RIMS4: variants seen among roughly 807,000 people sequenced by gnomAD.
The protein encoded by RIMS4 is regulating synaptic membrane exocytosis 4.
Under a neutral mutation model 29.0 loss-of-function variants are expected in RIMS4, and 9 were observed. That is an observed-to-expected ratio of 0.31 (90% CI 0.19 to 0.54). RIMS4 has a LOEUF of 0.54. Among genes scored for constraint, RIMS4 ranks in the 20% least tolerant of loss-of-function variants. The probability of loss-of-function intolerance (pLI) is 0.94; values close to 1 mark genes in which losing one functional copy is unlikely to be tolerated. For synonymous variants in RIMS4, 130 were observed against 152.9 expected (o/e 0.85, Z 1.10); for missense variants, 193 against 365.7 (o/e 0.53, Z 3.85).
intron 1 of RIMS4, among the ~76,000 whole-genome samples, chr20:44,799,664 G>A (rs2145478056): frequency 6.6e-6 from 1 of 152,308 alleles, no homozygotes; most frequent in South Asian, 2.1e-4. Context: ...TAGGGACACT[G>A]AGTGCTGGAG....
At chr20:44,792,969 C>T (rs2066239429) in intron 1 of RIMS4, among the ~76,000 whole-genome samples, 1 of 152,124 alleles carries the variant, frequency 6.6e-6, no homozygotes, top group South Asian at 2.1e-4. Context: ...CCCAGCCGTG[C>T]ACCCTGCTGG....
rs764210254 is a variant in RIMS4, at chr20:44,756,121, C to A, written c.*13G>T. 2 of 1,578,780 alleles carry A rather than the reference C, an allele frequency of 1.3e-6. No homozygotes were observed. Among genetic ancestry groups the A allele is most frequent in the Middle Eastern group, 2.3e-4 (1 of 4,398 alleles). ...CTCCAGGCCATCTTGGGGAGCCCCTCCCCATTCCAGCACTAAGATCGTTCT... is the reference window on the plus strand; with the variant it reads ...CTCCAGGCCATCTTGGGGAGCCCCTACCCATTCCAGCACTAAGATCGTTCT... On this transcript the variant is annotated 3_prime_UTR_variant, in exon 6 of 6. Coordinates refer to ENST00000372851, the MANE Select transcript of RIMS4 (RefSeq NM_182970.4). The surrounding 1 kb of genome is among the most constrained non-coding windows in gnomAD (Gnocchi z 5.9).
At chr20:44,784,010 C>T in intron 1 of RIMS4, among the ~76,000 whole-genome samples, 1 of 152,116 alleles carries the variant, frequency 6.6e-6, no homozygotes, top group East Asian at 1.9e-4. Flanking sequence ...TATAAATCTC[C>T]TTCCACTTCA....
chr20:44,783,898 G>A (rs2066196279), intron 1 of RIMS4, among the ~76,000 whole-genome samples: 2 of 152,138 alleles, frequency 1.3e-5, no homozygotes, highest in African/African-American at 4.8e-5. Flanking sequence ...TGTGGTGATG[G>A]TTGCACAACT....
chr20:44,807,084 C>T (rs993965435), intron 1 of RIMS4, among the ~76,000 whole-genome samples: 14 of 102,700 alleles, frequency 1.4e-4, no homozygotes, highest in Non-Finnish European at 2.5e-4. Context: ...CAACAAAACA[C>T]ACACACAAAA....
At chr20:44,757,956 G>A in intron 3 of RIMS4, 116 bp downstream of exon 3, 1 of 959,086 alleles carries the variant, frequency 1.0e-6, no homozygotes. Context: ...CTGGGCTCTA[G>A]GCGGCATGCG....
At position 44,754,696 on chromosome 20, in the gene RIMS4, T is replaced by G. The variant is rs930133994; in HGVS notation, c.*1438A>C. 2 of 152,754 alleles carry G rather than the reference T, an allele frequency of 1.3e-5. No homozygotes were observed. Among genetic ancestry groups the G allele is most frequent in the African/African-American group, 4.8e-5 (2 of 41,436 alleles). 9.5% of individuals were successfully genotyped at this position (152,754 alleles called of 1,614,324 possible). A position where few individuals can be genotyped will look rare whatever the true frequency, so the allele number is the denominator to read the frequency against. ...CCAGGCCAGCGAGGAGACAGTGGTCTCCTGGAATGTACTTGAGGCTCCTCT... is the reference window on the plus strand; with the variant it reads ...CCAGGCCAGCGAGGAGACAGTGGTCGCCTGGAATGTACTTGAGGCTCCTCT... On this transcript the variant is annotated 3_prime_UTR_variant, in exon 6 of 6. Transcript: ENST00000372851.
intron 1 of RIMS4, among the ~76,000 whole-genome samples, chr20:44,783,710 G>A (rs906577999): frequency 6.6e-6 from 1 of 151,938 alleles, no homozygotes; most frequent in Admixed American, 6.6e-5. Context: ...TTATGCAAGT[G>A]AAAGAAGCTG....
intron 1 of RIMS4, among the ~76,000 whole-genome samples, chr20:44,777,521 A>C (rs1485179017): frequency 6.6e-6 from 1 of 152,232 alleles, no homozygotes; most frequent in Admixed American, 6.5e-5. Context: ...CTAATTTTAC[A>C]ATAAGGAAAC....
At chr20:44,795,554 C>T (rs2066251240) in intron 1 of RIMS4, among the ~76,000 whole-genome samples, 1 of 152,074 alleles carries the variant, frequency 6.6e-6, no homozygotes, top group Non-Finnish European at 1.5e-5. Context: ...ATGGAGTGAA[C>T]CTGGGAGGCA....
chr20:44,768,767 A>T (rs1568897098), intron 2 of RIMS4, among the ~76,000 whole-genome samples: 1 of 152,218 alleles, frequency 6.6e-6, no homozygotes, highest in Non-Finnish European at 1.5e-5. Flanking sequence ...CCTCACAGCC[A>T]ACACTTACTC....
intron 4 of RIMS4, 58 bp from the exon 5 acceptor site, chr20:44,757,095 G>A: frequency 6.4e-7 from 1 of 1,573,532 alleles, no homozygotes; most frequent in Non-Finnish European, 8.7e-7. Context: ...GGTGGGCAAA[G>A]GGTGCAACAG....
At chr20:44,803,901 TG>T (rs985333105) in intron 1 of RIMS4, among the ~76,000 whole-genome samples, 1 of 151,970 alleles carries the variant, frequency 6.6e-6, no homozygotes, top group Non-Finnish European at 1.5e-5. Flanking sequence ...CTCCAATGGG[TG>T]GGTGGATTGT....
chr20:44,779,842 A>G (rs2066176067), intron 1 of RIMS4, among the ~76,000 whole-genome samples: 1 of 152,204 alleles, frequency 6.6e-6, no homozygotes, highest in Admixed American at 6.5e-5. Flanking sequence ...TGAACTGGAA[A>G]GGTTAACACG....
intron 2 of RIMS4, among the ~76,000 whole-genome samples, chr20:44,768,973 C>A (rs185358756): frequency 6.6e-6 from 1 of 152,152 alleles, no homozygotes; most frequent in African/African-American, 2.4e-5. Flanking sequence ...CATATTGAAC[C>A]CTCACAACTC....
intron 2 of RIMS4, among the ~76,000 whole-genome samples, chr20:44,762,232 G>C (rs979451341): frequency 6.6e-6 from 1 of 152,176 alleles, no homozygotes; most frequent in Non-Finnish European, 1.5e-5. Flanking sequence ...CTCGCCCACC[G>C]CTCACCTGCT....
In RIMS4 at chr20:44,753,252, G is replaced by C. The variant is rs989676114; in HGVS notation, c.*2882C>G. 1.3e-5 allele frequency: 2 copies of C among 152,802 alleles called. No homozygotes were observed. Among genetic ancestry groups the C allele is most frequent in the Non-Finnish European group, 2.9e-5 (2 of 68,068 alleles). The allele number at this position is 152,802 out of a possible 1,614,324, so 9.5% of individuals were successfully genotyped here. A position where few individuals can be genotyped will look rare whatever the true frequency, so the allele number is the denominator to read the frequency against. The stretch of plus-strand genomic sequence containing the variant: ...AAGAAGGGAGGAGGAGGTATGGGCA[G>C]TGGCAGCCCCACCTCATACTGCCCT... On this transcript the variant is annotated 3_prime_UTR_variant, in exon 6 of 6. Transcript: ENST00000372851.
intron 1 of RIMS4, among the ~76,000 whole-genome samples, chr20:44,809,532 T>G (rs527655657): frequency 2.0e-5 from 3 of 150,108 alleles, no homozygotes; most frequent in Non-Finnish European, 4.4e-5. Flanking sequence ...AAGTGTAGAG[T>G]TGGCGCCGCC....
At chr20:44,809,701 C>G (rs2066314817) in intron 1 of RIMS4, among the ~76,000 whole-genome samples, 1 of 152,116 alleles carries the variant, frequency 6.6e-6, no homozygotes, top group Admixed American at 6.5e-5. Context: ...GGGCGCCGGG[C>G]AGGGGTCTTG....
Sources: gnomAD v4.1 joint callset for allele counts (sites outside exome capture counted in the v4.1 genomes callset) on GRCh38, gnomAD v4.1.1 for gene constraint, Gnocchi (gnomAD v3.1) non-coding constraint, MANE v1.5 for transcripts, NCBI Gene and HGNC (gene_info 2026-07-23, HGNC 2026-07-21) for gene names.